The following FHIT variants were observed in gnomAD, a reference collection of about 807,000 sequenced individuals.
The protein encoded by FHIT is fragile histidine triad diadenosine triphosphatase, also known as bis(5'-adenosyl)-triphosphatase.
FHIT carries 19 observed loss-of-function variants against 17.9 expected under a neutral mutation model. The observed-to-expected ratio is 1.06, with a 90% confidence interval of 0.74 to 1.56. FHIT has a LOEUF of 1.56. Ranked by LOEUF, FHIT falls within the 40% of genes most tolerant of loss-of-function variation. The probability of loss-of-function intolerance (pLI) is 0.00; values close to 1 mark genes in which losing one functional copy is unlikely to be tolerated. For synonymous variants in FHIT, 81 were observed against 69.7 expected, an observed-to-expected ratio of 1.16 and a Z score of -0.81; for missense variants, 248 against 189.2, an observed-to-expected ratio of 1.31 and a Z score of -1.82.
chr3:60,844,139 G>A (rs1040560839), intron 3 of FHIT, among the ~76,000 whole-genome samples: 2 of 151,944 alleles, frequency 1.3e-5, no homozygotes, highest in East Asian at 1.9e-4. Context: ...ATAATACAAA[G>A]GCATACTATA....
intron 5 of FHIT, among the ~76,000 whole-genome samples, chr3:60,273,364 T>C (rs926301460): frequency 3.3e-5 from 5 of 152,154 alleles, no homozygotes; most frequent in African/African-American, 1.2e-4. Context: ...ATCCCAGCAC[T>C]TTGGGAGGCC....
intron 5 of FHIT, among the ~76,000 whole-genome samples, chr3:60,465,609 G>A (rs1245569326): frequency 6.6e-6 from 1 of 152,026 alleles, no homozygotes; most frequent in African/African-American, 2.4e-5. Context: ...TCTGCATATA[G>A]ATATTCAGTT....
At chr3:60,086,919 A>C (rs1703518092) in intron 5 of FHIT, among the ~76,000 whole-genome samples, 1 of 152,226 alleles carries the variant, frequency 6.6e-6, no homozygotes, top group Admixed American at 6.5e-5. Context: ...CCATAGCTCC[A>C]CTAGGAACCC....
chr3:60,942,274 A>G (rs1293100429), intron 3 of FHIT, among the ~76,000 whole-genome samples: 2 of 152,226 alleles, frequency 1.3e-5, no homozygotes, highest in African/African-American at 2.4e-5. Flanking sequence ...GCATAATTAA[A>G]AGTATACAGT....
chr3:59,900,808 T>G (rs1452095188), intron 8 of FHIT, among the ~76,000 whole-genome samples: 1 of 152,138 alleles, frequency 6.6e-6, no homozygotes, highest in Non-Finnish European at 1.5e-5. Context: ...TAGACGGGGT[T>G]TCACCATGTT....
At chr3:60,624,903 T>TTTGTTTG (rs1553680344) in intron 4 of FHIT, among the ~76,000 whole-genome samples, 15,382 of 149,966 alleles carry the variant, frequency 0.1, 941 homozygotes, top group Admixed American at 0.14. Context: ...TAGTTTTTTT[T>TTTGTTTG]TTTGTTTGTT....
At chr3:59,834,394 T>G (rs1259771882) in intron 8 of FHIT, among the ~76,000 whole-genome samples, 1 of 152,098 alleles carries the variant, frequency 6.6e-6, no homozygotes, top group Non-Finnish European at 1.5e-5. Context: ...GATAGGTAAC[T>G]TAGACATATA....
At chr3:60,565,497 C>A (rs1459276620) in intron 4 of FHIT, among the ~76,000 whole-genome samples, 1 of 152,120 alleles carries the variant, frequency 6.6e-6, no homozygotes, top group South Asian at 2.1e-4. Context: ...TAATAGATGC[C>A]TGTTATTCCT....
At chr3:60,773,336 C>A (rs1203800799) in intron 4 of FHIT, among the ~76,000 whole-genome samples, 5 of 152,156 alleles carry the variant, frequency 3.3e-5, no homozygotes, top group Non-Finnish European at 5.9e-5. Context: ...GCTCTGTACC[C>A]AATTAAGCCC....
intron 4 of FHIT, among the ~76,000 whole-genome samples, chr3:60,667,516 T>C (rs1553692760): frequency 6.6e-6 from 1 of 152,220 alleles, no homozygotes; most frequent in Non-Finnish European, 1.5e-5. Flanking sequence ...TAAAAAATTG[T>C]ATCAAAAATT....
intron 5 of FHIT, among the ~76,000 whole-genome samples, chr3:60,533,099 C>G (rs1256118118): frequency 6.6e-6 from 1 of 152,124 alleles, no homozygotes; most frequent in Non-Finnish European, 1.5e-5. Flanking sequence ...TCCCATCTGC[C>G]ATCAATTCAT....
At position 60,173,629 on chromosome 3, in the gene FHIT, G is replaced by C. The variant is rs1345431213; in HGVS notation, c.104-159477C>G. Among the ~76,000 whole-genome samples the C allele has an allele frequency of 3.3e-5, 5 of 151,850 alleles. No homozygotes were observed. The East Asian group carries it at 5.9e-4, about 18-fold the overall frequency. On this transcript the variant is annotated intron_variant, in intron 5 of 9. Transcript: ENST00000492590. ...GTGGGAAGGTGAGGCCTAGGCAGGA[G>C]TGGAGATCAACGAAGCATGAAATGG...
intron 5 of FHIT, among the ~76,000 whole-genome samples, chr3:60,152,693 T>C (rs887988934): frequency 2.0e-5 from 3 of 152,198 alleles, no homozygotes; most frequent in Non-Finnish European, 4.4e-5. Context: ...CTTGCCAAAA[T>C]GGCATGTTAC....
chr3:60,106,440 C>T (rs1559637259), intron 5 of FHIT, among the ~76,000 whole-genome samples: 1 of 152,184 alleles, frequency 6.6e-6, no homozygotes, highest in East Asian at 1.9e-4. Flanking sequence ...GTTTCAACCA[C>T]AGTTCATGAT....
intron 7 of FHIT, among the ~76,000 whole-genome samples, chr3:59,993,428 G>A (rs1228971214): frequency 6.6e-6 from 1 of 152,014 alleles, no homozygotes; most frequent in Non-Finnish European, 1.5e-5. Flanking sequence ...ACACCAATGT[G>A]AGTGTAGAAT....
At chr3:60,914,964 G>A (rs1299029397) in intron 3 of FHIT, among the ~76,000 whole-genome samples, 5 of 152,162 alleles carry the variant, frequency 3.3e-5, no homozygotes, top group Non-Finnish European at 5.9e-5. Flanking sequence ...GTGCTGCTTA[G>A]AAGAAACGTA....
chr3:60,660,375 T>C (rs1364873290), intron 4 of FHIT, among the ~76,000 whole-genome samples: 1 of 152,122 alleles, frequency 6.6e-6, no homozygotes, highest in Non-Finnish European at 1.5e-5. Flanking sequence ...AGGCTACTCC[T>C]GGAATCTGTG....
chr3:60,741,117 T>TTTAACAG (rs782757771), intron 4 of FHIT, among the ~76,000 whole-genome samples: 46 of 152,322 alleles, frequency 3.0e-4, no homozygotes, highest in Middle Eastern at 3.4e-3. Context: ...TCACGTACTT[T>TTTAACAG]TTAACAGAGA....
At position 60,363,598 on chromosome 3, in the gene FHIT, A is replaced by G. The variant is rs538658627; in HGVS notation, c.103+173262T>C. 2.6e-5 allele frequency among the ~76,000 whole-genome samples: 4 copies of G among 152,258 alleles called. No homozygotes were observed. The South Asian group carries it at 6.2e-4, about 24-fold the overall frequency. ...TTTTCCAAGGTTATACAGCTAGAAA[A>G]TAAGTGGTAGCTAGAACTTGAGCCC... On this transcript the variant is annotated intron_variant, in intron 5 of 9. Coordinates refer to ENST00000492590, the MANE Select transcript of FHIT (RefSeq NM_002012.4).
Sources: gnomAD v4.1 joint callset for allele counts (sites outside exome capture counted in the v4.1 genomes callset) on GRCh38, gnomAD v4.1.1 for gene constraint, MANE v1.5 for transcripts, NCBI Gene and HGNC (gene_info 2026-07-23, HGNC 2026-07-21) for gene names.